The following GRK5 variants were observed in gnomAD, a reference collection of about 807,000 sequenced individuals.
GRK5 encodes G protein-coupled receptor kinase 5.
In GRK5, 40 loss-of-function variants were observed where a neutral mutation model predicts 78.4. That is an observed-to-expected ratio of 0.51 (90% confidence interval 0.40 to 0.66). GRK5 has a LOEUF of 0.66. Among genes scored for constraint, GRK5 ranks in the 30% least tolerant of loss-of-function variants. The pLI, the probability that GRK5 is intolerant of heterozygous loss-of-function variation, is 0.00. For missense variants in GRK5, 598 were observed against 759.9 expected (o/e 0.79, Z 2.50); for synonymous variants, 289 against 296.8 (o/e 0.97, Z 0.27).
chr10:119,441,464 C>T (rs1179210595), intron 10 of GRK5, among the ~76,000 whole-genome samples: 1 of 152,240 alleles, frequency 6.6e-6, no homozygotes. Context: ...CAGTCCTGGG[C>T]TGTGAGCTGG....
intron 1 of GRK5, among the ~76,000 whole-genome samples, chr10:119,209,406 T>G (rs1848444280): frequency 6.6e-6 from 1 of 152,054 alleles, no homozygotes; most frequent in Non-Finnish European, 1.5e-5. Flanking sequence ...ATTGCTTAGC[T>G]TTGGTGGGAA....
intron 1 of GRK5, among the ~76,000 whole-genome samples, chr10:119,254,514 C>T (rs919100884): frequency 2.0e-5 from 3 of 151,940 alleles, no homozygotes; most frequent in Non-Finnish European, 2.9e-5. Context: ...AACAAGAAAC[C>T]GTGCATGGGA....
chr10:119,323,552 T>C (rs1314880688), intron 1 of GRK5, among the ~76,000 whole-genome samples: 7 of 152,182 alleles, frequency 4.6e-5, no homozygotes, highest in Non-Finnish European at 8.8e-5. Context: ...GAATGAGGGC[T>C]GCGGCTAGAT....
chr10:119,287,763 C>T (rs1849879311), intron 1 of GRK5, among the ~76,000 whole-genome samples: 1 of 152,218 alleles, frequency 6.6e-6, no homozygotes, highest in Non-Finnish European at 1.5e-5. Flanking sequence ...GCTATGACTG[C>T]ACCGTATCCA....
At chr10:119,274,808 C>T (rs1461858624) in intron 1 of GRK5, among the ~76,000 whole-genome samples, 1 of 152,244 alleles carries the variant, frequency 6.6e-6, no homozygotes, top group East Asian at 1.9e-4. Context: ...GGGAAGTCAG[C>T]ACCCAGGGGT....
chr10:119,370,629 C>T (rs1362880972), intron 2 of GRK5, among the ~76,000 whole-genome samples: 1 of 152,224 alleles, frequency 6.6e-6, no homozygotes, highest in African/African-American at 2.4e-5. Context: ...GATGCCATCT[C>T]GCCTTTCAAA....
intron 2 of GRK5, among the ~76,000 whole-genome samples, chr10:119,332,123 T>G (rs77830453): frequency 2.0e-5 from 3 of 151,910 alleles, no homozygotes; most frequent in African/African-American, 7.3e-5. Context: ...TTTTTTTTTT[T>G]TGCCTCAGAG....
rs189932999 is a variant in GRK5 at position 119,319,241 on chromosome 10, G to A, written c.53-7275G>A. 2.1e-3 allele frequency among the ~76,000 whole-genome samples: 317 copies of A among 152,356 alleles called. 1 individual carries two copies. Among genetic ancestry groups the A allele is most frequent in the African/African-American group, 7.3e-3 (302 of 41,586 alleles). ...GGGCCCCCAGGGCTGGAGAAAGCAG[G>A]AGTGAGAGTGGGATTGGACAAGCAA... On this transcript the variant is annotated intron_variant, in intron 1 of 15. Coordinates refer to ENST00000392870, the MANE Select transcript of GRK5 (RefSeq NM_005308.3).
At chr10:119,427,124 A>G (rs1037824496) in intron 6 of GRK5, among the ~76,000 whole-genome samples, 2 of 151,346 alleles carry the variant, frequency 1.3e-5, no homozygotes. Context: ...CATCAGTATC[A>G]CTGCCATCAT....
chr10:119,395,110 T>C (rs1195179104), intron 3 of GRK5, among the ~76,000 whole-genome samples: 1 of 143,602 alleles, frequency 7.0e-6, no homozygotes, highest in Non-Finnish European at 1.5e-5. Context: ...CCTTGGACCT[T>C]GGGCAAGTCC....
At chr10:119,234,130 A>G (rs568313430) in intron 1 of GRK5, among the ~76,000 whole-genome samples, 1 of 152,318 alleles carries the variant, frequency 6.6e-6, no homozygotes, top group East Asian at 1.9e-4. Flanking sequence ...AACCTAATAC[A>G]CTGCTTATGC....
intron 1 of GRK5, among the ~76,000 whole-genome samples, chr10:119,287,898 G>A (rs1049450119): frequency 1.3e-5 from 2 of 152,216 alleles, no homozygotes; most frequent in African/African-American, 4.8e-5. Flanking sequence ...CCAGGAAGCA[G>A]GCTTAGATCC....
intron 2 of GRK5, among the ~76,000 whole-genome samples, chr10:119,353,952 T>TG (rs60126756): frequency 1.4e-5 from 2 of 146,936 alleles, no homozygotes; most frequent in African/African-American, 5.1e-5. Context: ...TTTTTTTTTT[T>TG]GAGGTGACTT....
intron 2 of GRK5, among the ~76,000 whole-genome samples, chr10:119,356,910 C>T (rs530225850): frequency 1.3e-5 from 2 of 152,230 alleles, no homozygotes; most frequent in Non-Finnish European, 2.9e-5. Flanking sequence ...ATTTGCTGTG[C>T]CAGCCCTCTC....
At chr10:119,209,629 C>G (rs1391044452) in intron 1 of GRK5, among the ~76,000 whole-genome samples, 1 of 151,788 alleles carries the variant, frequency 6.6e-6, no homozygotes, top group Non-Finnish European at 1.5e-5. Context: ...CCACCTCCCC[C>G]GCCCCTCTTT....
At chr10:119,418,069 C>G (rs1036081334) in intron 4 of GRK5, among the ~76,000 whole-genome samples, 1 of 152,186 alleles carries the variant, frequency 6.6e-6, no homozygotes, top group African/African-American at 2.4e-5. Flanking sequence ...AGTTCCAAAC[C>G]AGCACGAGCT....
Position 119,212,551 on chromosome 10 carries a change from A to G in GRK5, c.52+4582A>G, listed in dbSNP as rs1848505058. ...ACCAAATTCACCTTTACCAAGGGCT[A>G]TTCAATCCATATCTGGGATGTTTTA... is the stretch of plus-strand genomic sequence containing the variant. On this transcript the variant is annotated intron_variant, in intron 1 of 15. Transcript: ENST00000392870. Among the ~76,000 whole-genome samples, 11 of 152,362 alleles carry G rather than the reference A, an allele frequency of 7.2e-5. 1 individual carries two copies. In the South Asian group the frequency reaches 2.3e-3, roughly 32 times the overall value.
chr10:119,453,725 C>T (rs888952797), intron 15 of GRK5, among the ~76,000 whole-genome samples: 8 of 152,218 alleles, frequency 5.3e-5, no homozygotes, highest in Non-Finnish European at 1.0e-4. Flanking sequence ...CTCTCTGGCC[C>T]TTACGAAGCC....
rs944352034 is a variant in GRK5, at chr10:119,398,202, C to T, written c.339+1430C>T. ...GGGTCCCTGTTCACCCAGTCGCAGC[C>T]GATGTCATATTGGTGGGGCTCTGGC... is the stretch of plus-strand genomic sequence containing the variant. On this transcript the variant is annotated intron_variant, in intron 4 of 15. Coordinates refer to ENST00000392870, the MANE Select transcript of GRK5 (RefSeq NM_005308.3). Among the ~76,000 whole-genome samples, 4 of 152,190 alleles carry T rather than the reference C, an allele frequency of 2.6e-5. No homozygotes were observed. The East Asian group carries it at 7.8e-4, about 29-fold the overall frequency.
Sources: gnomAD v4.1 joint callset for allele counts (sites outside exome capture counted in the v4.1 genomes callset) on GRCh38, gnomAD v4.1.1 for gene constraint, MANE v1.5 for transcripts, NCBI Gene and HGNC (gene_info 2026-07-23, HGNC 2026-07-21) for gene names.